SWT1: variants seen among roughly 807,000 people sequenced by gnomAD.
SWT1 encodes SWT1 RNA endoribonuclease homolog.
In SWT1, 33 loss-of-function variants were observed where a neutral mutation model predicts 107.3. The ratio of observed to expected loss-of-function variants is 0.31; its 90% confidence interval spans 0.23 to 0.41. The LOEUF is 0.41. Among genes scored for constraint, SWT1 ranks in the 10% least tolerant of loss-of-function variants. SWT1 has a pLI of 1.00. For synonymous variants in SWT1, 345 were observed against 348.3 expected, an observed-to-expected ratio of 0.99 and a Z score of 0.11; for missense variants, 898 against 1,028.9, an observed-to-expected ratio of 0.87 and a Z score of 1.74.
intron 15 of SWT1, chr1:185,227,487 C>T (rs1398057382): frequency 1.8e-5 from 10 of 566,028 alleles, no homozygotes; most frequent in Admixed American, 1.5e-4. Context: ...CTATCATATC[C>T]CTCTCTATAC....
intron 16 of SWT1, among the ~76,000 whole-genome samples, chr1:185,269,275 G>A (rs188046698): frequency 2.0e-5 from 3 of 151,712 alleles, no homozygotes; most frequent in Non-Finnish European, 4.4e-5. Context: ...AATTATGTAT[G>A]GATCCTTCTC....
At position 185,231,698 on chromosome 1, in the gene SWT1, G is replaced by A. The variant is rs1660517908; in HGVS notation, c.2431G>A (p.Gly811Arg). 1.2e-6 allele frequency: 2 copies of A among 1,603,582 alleles called. No homozygotes were observed. Among genetic ancestry groups the A allele is most frequent in the South Asian group, 2.2e-5 (2 of 90,380 alleles). Residue 811 changes from glycine to arginine, a missense_variant, in exon 16 of 19, where the codon GGA becomes AGA. By Grantham distance (125) the Gly-to-Arg change is moderately radical (BLOSUM62 -2). Coordinates refer to ENST00000367500, the MANE Select transcript of SWT1 (RefSeq NM_017673.7). ...LMAAVRDILE[G>R]IQRILAPNSN... The stretch of plus-strand genomic sequence containing the variant: ...GGCAGCTGTGAGGGATATTCTTGAA[G>A]GAATTCAAAGGTAAACACTATATTA...
intron 5 of SWT1, among the ~76,000 whole-genome samples, chr1:185,179,518 T>C (rs1056666354): frequency 6.6e-6 from 1 of 152,178 alleles, no homozygotes; most frequent in African/African-American, 2.4e-5. Context: ...CAGAAACCCC[T>C]GGTGCTCTAA....
intron 13 of SWT1, among the ~76,000 whole-genome samples, chr1:185,208,392 A>G (rs558435542): frequency 6.6e-6 from 1 of 152,272 alleles, no homozygotes; most frequent in African/African-American, 2.4e-5. Flanking sequence ...AGATTGAGCA[A>G]TATAAAAAGC....
intron 5 of SWT1, among the ~76,000 whole-genome samples, chr1:185,178,950 A>G (rs1400546644): frequency 1.3e-5 from 2 of 152,194 alleles, no homozygotes; most frequent in African/African-American, 2.4e-5. Context: ...TTCTCAGTAA[A>G]GCATTTCTAC....
At chr1:185,211,321 C>T in intron 13 of SWT1, among the ~76,000 whole-genome samples, 1 of 152,156 alleles carries the variant, frequency 6.6e-6, no homozygotes, top group Non-Finnish European at 1.5e-5. Context: ...ACAAAAACAG[C>T]ATGGTACTGA....
chr1:185,269,112 A>C (rs1021787839), intron 16 of SWT1, among the ~76,000 whole-genome samples: 2 of 152,036 alleles, frequency 1.3e-5, no homozygotes, highest in Non-Finnish European at 2.9e-5. Flanking sequence ...TCAGCCTCCC[A>C]AAGTGCTGGG....
chr1:185,253,866 A>G (rs1414518494), intron 16 of SWT1, among the ~76,000 whole-genome samples: 1 of 151,466 alleles, frequency 6.6e-6, no homozygotes, highest in African/African-American at 2.4e-5. Flanking sequence ...CAATTTTCAA[A>G]GGGAATGCTT....
chr1:185,211,120 A>G (rs895567761), intron 13 of SWT1, among the ~76,000 whole-genome samples: 7 of 152,206 alleles, frequency 4.6e-5, no homozygotes, highest in Admixed American at 2.6e-4. Flanking sequence ...ATACTGCCCA[A>G]AGTAATTTAT....
Position 185,246,082 on chromosome 1 carries a change from T to C in SWT1, c.2441+14374T>C, listed in dbSNP as rs1661586603. 2.6e-5 allele frequency among the ~76,000 whole-genome samples: 4 copies of C among 152,228 alleles called. No homozygotes were observed. The South Asian group carries it at 8.3e-4, about 32-fold the overall frequency. On this transcript the variant is annotated intron_variant, in intron 16 of 18. Coordinates refer to ENST00000367500, the MANE Select transcript of SWT1 (RefSeq NM_017673.7). ...CGCACCCAGTCTTACATTATAATCTTATGGGACCACCATCATATATGTGGT... is the reference window on the plus strand; with the variant it reads ...CGCACCCAGTCTTACATTATAATCTCATGGGACCACCATCATATATGTGGT...
chr1:185,173,460 T>C (rs1164620837), intron 4 of SWT1, among the ~76,000 whole-genome samples: 3 of 146,354 alleles, frequency 2.0e-5, no homozygotes, highest in Admixed American at 7.0e-5. Context: ...CTGGGGAGGC[T>C]AAGGTGGGCA....
chr1:185,278,034 G>T (rs1664362013), intron 18 of SWT1, among the ~76,000 whole-genome samples: 1 of 151,766 alleles, frequency 6.6e-6, no homozygotes, highest in South Asian at 2.1e-4. Context: ...ATGTTGCCCA[G>T]GGTGGTCTCG....
At chr1:185,223,034 A>G (rs562132949) in intron 15 of SWT1, among the ~76,000 whole-genome samples, 2 of 152,318 alleles carry the variant, frequency 1.3e-5, no homozygotes, top group Admixed American at 1.3e-4. Context: ...TCTCTTTGAC[A>G]TACTCATTTC....
At chr1:185,257,389 G>C (rs895488595) in intron 16 of SWT1, among the ~76,000 whole-genome samples, 2 of 152,058 alleles carry the variant, frequency 1.3e-5, no homozygotes, top group Non-Finnish European at 2.9e-5. Flanking sequence ...CCTCGCTGCC[G>C]CCTTGCAGTT....
chr1:185,264,882 G>C (rs896563432), intron 16 of SWT1, among the ~76,000 whole-genome samples: 1 of 152,096 alleles, frequency 6.6e-6, no homozygotes, highest in African/African-American at 2.4e-5. Flanking sequence ...GTATTTATTA[G>C]TATATTCTAA....
intron 7 of SWT1, among the ~76,000 whole-genome samples, chr1:185,183,251 G>T (rs533918963): frequency 7.6e-4 from 115 of 151,944 alleles, no homozygotes; most frequent in Non-Finnish European, 1.2e-3. Flanking sequence ...AACAATGCTA[G>T]AATTATTATG....
At chr1:185,251,085 G>A (rs1252146303) in intron 16 of SWT1, among the ~76,000 whole-genome samples, 1 of 152,270 alleles carries the variant, frequency 6.6e-6, no homozygotes, top group East Asian at 1.9e-4. Context: ...ATTTAATGAT[G>A]CTCTTCCTAA....
At chr1:185,257,469 G>T (rs986123849) in intron 16 of SWT1, among the ~76,000 whole-genome samples, 2 of 152,214 alleles carry the variant, frequency 1.3e-5, no homozygotes, top group Non-Finnish European at 2.9e-5. Flanking sequence ...CCAGGTGCGG[G>T]ATATAATCTC....
chr1:185,226,732 CTTTTTT>C, intron 15 of SWT1: 7 of 376,802 alleles, frequency 1.9e-5, no homozygotes, highest in South Asian at 9.8e-5. Context: ...GCTTCTGAGA[CTTTTTT>C]TTTTTTTTTT....
Sources: allele counts gnomAD v4.1 joint callset (sites outside exome capture counted in the v4.1 genomes callset), GRCh38; gene constraint gnomAD v4.1.1; transcripts MANE v1.5; gene names NCBI Gene and HGNC (gene_info 2026-07-23, HGNC 2026-07-21).